Variants in BEND2 observed in about 807,000 individuals in gnomAD.
BEND2 encodes BEN domain containing 2.
BEND2 carries 19 observed loss-of-function variants against 43.8 expected under a neutral mutation model. The observed-to-expected ratio is 0.43, with a 90% CI of 0.30 to 0.64. The LOEUF (loss-of-function observed/expected upper bound fraction) is 0.64, where lower values mean the gene tolerates loss of function less well. Ranked by LOEUF, BEND2 falls within the 30% of genes least tolerant of loss-of-function variation. The pLI is 0.11. For synonymous variants in BEND2, 226 were observed against 210.1 expected (o/e 1.08, Z -0.66); for missense variants, 544 against 574.0 (o/e 0.95, Z 0.53).
chrX:18,206,854 G>A (rs141739137), intron 4 of BEND2, among the ~76,000 whole-genome samples: 364 of 111,780 alleles, frequency 3.3e-3, no homozygotes, highest in African/African-American at 0.011. Flanking sequence ...TAAGCAGGAC[G>A]GAGGTGGACT....
intron 4 of BEND2, among the ~76,000 whole-genome samples, chrX:18,205,089 C>T (rs142927765): frequency 0.031 from 3,433 of 110,669 alleles, 130 homozygotes; most frequent in African/African-American, 0.11. Context: ...GCCAATCAAG[C>T]ATATATGACT....
At chrX:18,180,797 T>C (rs1241680556) in intron 8 of BEND2, 147 bp from the exon 9 acceptor site, 2 of 471,001 alleles carry the variant, frequency 4.2e-6, no homozygotes, top group Non-Finnish European at 7.0e-6. Flanking sequence ...TTCTTTCTTT[T>C]TTTTTTAGAC....
intron 12 of BEND2, among the ~76,000 whole-genome samples, 161 bp downstream of exon 12, chrX:18,173,869 C>T: frequency 8.9e-6 from 1 of 111,961 alleles, no homozygotes; most frequent in Non-Finnish European, 1.9e-5. Context: ...TTCATTAACT[C>T]ATTAATAAAA....
chrX:18,195,177 T>G, intron 7 of BEND2, 119 bp downstream of exon 7: 2 of 888,483 alleles, frequency 2.3e-6, no homozygotes, highest in Non-Finnish European at 3.0e-6. Flanking sequence ...GTATGATTTC[T>G]GAACTACCTC....
intron 13 of BEND2, among the ~76,000 whole-genome samples, chrX:18,170,029 A>C (rs1239147228): frequency 8.9e-6 from 1 of 112,023 alleles, no homozygotes; most frequent in Middle Eastern, 4.2e-3. Context: ...ATTGCCTACA[A>C]ACTTTTTTTT....
intron 12 of BEND2, among the ~76,000 whole-genome samples, chrX:18,171,934 T>C (rs1923989766): frequency 9.0e-6 from 1 of 111,591 alleles, no homozygotes; most frequent in Admixed American, 9.5e-5. Flanking sequence ...TCATTTTAAA[T>C]CAACACACTG....
chrX:18,207,051 T>C (rs1237106202), intron 4 of BEND2, among the ~76,000 whole-genome samples: 1 of 110,713 alleles, frequency 9.0e-6, no homozygotes, highest in African/African-American at 3.3e-5. Flanking sequence ...GTGTGCAGGC[T>C]TGCTGAGGGG....
Position 18,177,717 on chromosome X carries a change from C to T in BEND2, c.1482G>A (p.Leu494=). The T allele has an allele frequency of 8.3e-7, 1 of 1,210,743 alleles. No homozygotes were observed. Among genetic ancestry groups the T allele is most frequent in the Non-Finnish European group, 1.1e-6 (1 of 894,991 alleles). Residue 494 remains leucine, a synonymous_variant, in exon 10 of 14, where the codon CTG becomes CTA. Transcript: ENST00000380033. ...RNVRVLKIHL[L]AVQNMAKPKQ... ...TAGGTTTGGCCATATTTTGTACGGCCAGCAAATGGATTTTAAGTACTCTGA... is the reference window on the plus strand; with the variant it reads ...TAGGTTTGGCCATATTTTGTACGGCTAGCAAATGGATTTTAAGTACTCTGA...
At chrX:18,180,449 A>G in intron 9 of BEND2, 61 bp downstream of exon 9, 1 of 1,186,214 alleles carries the variant, frequency 8.4e-7, no homozygotes, top group East Asian at 3.0e-5. Flanking sequence ...TCTTGCATCA[A>G]GGAAGTGGAA....
At chrX:18,212,456 T>C in intron 4 of BEND2, 109 bp downstream of exon 4, 1 of 529,665 alleles carries the variant, frequency 1.9e-6, no homozygotes, top group Non-Finnish European at 3.1e-6. Flanking sequence ...ACTCACTGAT[T>C]TGTGCATTTT....
At position 18,196,659 on chromosome X, in the gene BEND2, C is replaced by T. The variant is rs145114924; in HGVS notation, c.1034-1217G>A. ...AAAGAGGAACAACTGATACACACAA[C>T]AACCTGTATAAGCCTTTAGGGAATC... is the stretch of plus-strand genomic sequence containing the variant. On this transcript the variant is annotated intron_variant, in intron 6 of 13. Coordinates refer to ENST00000380033, the MANE Select transcript of BEND2 (RefSeq NM_153346.5). 4.2e-4 allele frequency among the ~76,000 whole-genome samples: 42 copies of T among 99,525 alleles called. No homozygotes were observed. In the East Asian group the frequency reaches 0.014, roughly 32 times the overall value. The allele number at this position is 99,525 out of a possible 115,157, so 86.4% of individuals were successfully genotyped here. A position where few individuals can be genotyped will look rare whatever the true frequency, so the allele number is the denominator to read the frequency against.
chrX:18,208,428 G>A (rs957830508), intron 4 of BEND2, among the ~76,000 whole-genome samples: 8 of 110,999 alleles, frequency 7.2e-5, no homozygotes, highest in African/African-American at 1.6e-4. Flanking sequence ...GGAGGTTGCA[G>A]TGAGCCAAGA....
rs371523068 is a variant in BEND2, at chrX:18,177,558, T to G, written c.1630+11A>C. On this transcript the variant is annotated intron_variant, in intron 10 of 13. Coordinates refer to ENST00000380033, the MANE Select transcript of BEND2 (RefSeq NM_153346.5). ...AAAATAAGATTCCATTATCACTTTA[T>G]GTACACATACCTCTCAATGCAGCCA... 8.3e-7 allele frequency: 1 copy of G among 1,199,703 alleles called. No individual in the cohort carries two copies. Among genetic ancestry groups the G allele is most frequent in the East Asian group, 3.0e-5 (1 of 33,786 alleles).
At chrX:18,210,569 G>T (rs547611028) in intron 4 of BEND2, among the ~76,000 whole-genome samples, 3 of 111,917 alleles carry the variant, frequency 2.7e-5, no homozygotes, top group Non-Finnish European at 5.6e-5. Context: ...TATATACTTC[G>T]TGGTAGATAA....
At chrX:18,181,046 G>C (rs1924368704) in intron 8 of BEND2, among the ~76,000 whole-genome samples, 2 of 110,611 alleles carry the variant, frequency 1.8e-5, no homozygotes, top group African/African-American at 6.6e-5. Flanking sequence ...AAATGCTGGA[G>C]ACCTACTCTT....
chrX:18,196,960 GATT>G (rs1438613115), intron 6 of BEND2, among the ~76,000 whole-genome samples: 2 of 111,784 alleles, frequency 1.8e-5, no homozygotes, highest in Non-Finnish European at 3.8e-5. Flanking sequence ...TACACCCACA[GATT>G]ATTATAAGTA....
intron 11 of BEND2, 82 bp from the exon 12 acceptor site, chrX:18,174,340 C>T (rs769561036): frequency 1.2e-5 from 11 of 897,800 alleles, no homozygotes; most frequent in African/African-American, 5.9e-5. Flanking sequence ...ACCAGGCCCA[C>T]CAGGTTGCTA....
chrX:18,195,561 C>A (rs1924915366), intron 6 of BEND2, 119 bp from the exon 7 acceptor site: 2 of 697,027 alleles, frequency 2.9e-6, no homozygotes, highest in Non-Finnish European at 4.1e-6. Context: ...CTGTCCCTAG[C>A]CGACTTATCC....
chrX:18,213,652 C>T (rs940609257), intron 3 of BEND2, 122 bp downstream of exon 3: 2 of 115,511 alleles, frequency 1.7e-5, no homozygotes, highest in African/African-American at 6.5e-5. Context: ...TGGCTCACAC[C>T]TGTAATCTCA....
Sources: allele counts gnomAD v4.1 joint callset (sites outside exome capture counted in the v4.1 genomes callset), GRCh38; gene constraint gnomAD v4.1.1; transcripts MANE v1.5; gene names NCBI Gene and HGNC (gene_info 2026-07-23, HGNC 2026-07-21).